The following DPP9 variants were observed in gnomAD, a reference collection of about 807,000 sequenced individuals.
The protein encoded by DPP9 is dipeptidyl peptidase IV-related protein-2.
Under a neutral mutation model 110.7 loss-of-function variants are expected in DPP9, and 50 were observed. The observed-to-expected ratio is 0.45, with a 90% CI of 0.36 to 0.57. The LOEUF is 0.57. DPP9 is among the 20% of genes least tolerant of loss of function. The probability of loss-of-function intolerance (pLI) is 0.00; values close to 1 mark genes in which losing one functional copy is unlikely to be tolerated. For missense variants in DPP9, 1,022 were observed against 1,217.9 expected (o/e 0.84, Z 2.39); for synonymous variants, 561 against 514.4 (o/e 1.09, Z -1.23).
rs753629385 is a variant in DPP9, at chr19:4,683,345, G to A, written c.2331+132C>T. ...GGCTGCTGCAGGGAGAAACAGCCAC[G>A]TGGCAAGGCCCCTGCCGAGGCGCCT... On this transcript the variant is annotated intron_variant, in intron 19 of 21. Transcript: ENST00000262960. The A allele has an allele frequency of 3.5e-5, 52 of 1,481,182 alleles. No individual in the cohort carries two copies. The African/African-American group carries it at 6.3e-4, about 18-fold the overall frequency. The allele number at this position is 1,481,182 out of a possible 1,614,324, so 91.8% of individuals were successfully genotyped here. A position where few individuals can be genotyped will look rare whatever the true frequency, so the allele number is the denominator to read the frequency against.
chr19:4,703,607 C>T lies in DPP9; in HGVS notation c.769+279G>A, dbSNP rs2092420169. On this transcript the variant is annotated intron_variant, in intron 7 of 21. Coordinates refer to ENST00000262960, the MANE Select transcript of DPP9 (RefSeq NM_139159.5). The stretch of plus-strand genomic sequence containing the variant: ...GCCGAGATCATACCACTGCAGTCCA[C>T]CTGGGCACTCCCGCCTGCGCTCCCG... Among the ~76,000 whole-genome samples, 3 of 151,684 alleles carry T rather than the reference C, an allele frequency of 2.0e-5. No homozygotes were observed. In the South Asian group the frequency reaches 6.2e-4, roughly 32 times the overall value.
chr19:4,694,836 C>G lies in DPP9; in HGVS notation c.1354-13G>C, dbSNP rs1351106701. The G allele has an allele frequency of 1.2e-6, 2 of 1,613,198 alleles. No individual in the cohort carries two copies. Among genetic ancestry groups the G allele is most frequent in the Non-Finnish European group, 1.7e-6 (2 of 1,179,612 alleles). On this transcript the variant is annotated splice_polypyrimidine_tract_variant and intron_variant, in intron 12 of 21. Coordinates refer to ENST00000262960, the MANE Select transcript of DPP9 (RefSeq NM_139159.5). The surrounding 1 kb of genome is among the most constrained non-coding windows in gnomAD (Gnocchi z 4.0). ...AGATGTCATGAACCTGTCCGGAAAGCAGATAGAAGATGCGTCAGAAGGTGT... is the reference window on the plus strand; with the variant it reads ...AGATGTCATGAACCTGTCCGGAAAGGAGATAGAAGATGCGTCAGAAGGTGT...
In DPP9 at chr19:4,676,130, G is replaced by T; in HGVS notation, c.*434C>A. The T allele has an allele frequency of 5.6e-6, 1 of 177,216 alleles. No individual in the cohort carries two copies. The allele number at this position is 177,216 out of a possible 1,614,324, so 11.0% of individuals were successfully genotyped here. A position where few individuals can be genotyped will look rare whatever the true frequency, so the allele number is the denominator to read the frequency against. The stretch of plus-strand genomic sequence containing the variant: ...CAAACAAAACACAAACATCAAGTTG[G>T]GGAGGCTGGCCGGGGGGGACAGGCA... On this transcript the variant is annotated 3_prime_UTR_variant, in exon 22 of 22. Coordinates refer to ENST00000262960, the MANE Select transcript of DPP9 (RefSeq NM_139159.5). The surrounding 1 kb of genome is among the most constrained non-coding windows in gnomAD (Gnocchi z 4.0).
rs1448624965 is a variant in DPP9 at position 4,685,731 on chromosome 19, G to A, written c.1926C>T (p.Phe642=). 1.2e-6 allele frequency: 2 copies of A among 1,613,508 alleles called. No homozygotes were observed. The highest frequency in any genetic ancestry group is 1.7e-5 in the Admixed American group (1 of 59,978). Residue 642 remains phenylalanine (F), a synonymous_variant, in exon 17 of 22, where the codon TTC becomes TTT. Transcript: ENST00000262960. This position sits in a 1 kb window ranked among gnomAD's most constrained non-coding sequence, Gnocchi z 5.8. ...PDYVPPEIFH[F]HTRSDVRLYG... is the part of the protein sequence containing the mutation. ...AGAGCCGCACATCCGAGCGCGTGTGGAAATGGAAGATCTCTGGAGGAACAT... is the reference window on the plus strand; with the variant it reads ...AGAGCCGCACATCCGAGCGCGTGTGAAAATGGAAGATCTCTGGAGGAACAT...
rs891746459 is a variant in DPP9 at position 4,718,966 on chromosome 19, C to T, written c.56+885G>A. On this transcript the variant is annotated intron_variant, in intron 3 of 21. Coordinates refer to ENST00000262960, the MANE Select transcript of DPP9 (RefSeq NM_139159.5). This position sits in a 1 kb window ranked among gnomAD's most constrained non-coding sequence, Gnocchi z 4.3. ...GAGACATGGAGTTTACTGACTGCCC[C>T]GGGGGGTGCGTGTCTAACCACATTC... Among the ~76,000 whole-genome samples the T allele has an allele frequency of 4.6e-5, 7 of 152,048 alleles. No homozygotes were observed. Among genetic ancestry groups the T allele is most frequent in the Admixed American group, 4.6e-4 (7 of 15,248 alleles).
intron 4 of DPP9, among the ~76,000 whole-genome samples, chr19:4,713,196 C>T (rs373010070): frequency 1.1e-4 from 17 of 152,356 alleles, no homozygotes; most frequent in South Asian, 4.1e-4. Flanking sequence ...TGGTGCCAAG[C>T]GGGAGAGACG....
At chr19:4,708,091 T>G (rs1429271331) in intron 4 of DPP9, among the ~76,000 whole-genome samples, 1 of 152,178 alleles carries the variant, frequency 6.6e-6, no homozygotes, top group Non-Finnish European at 1.5e-5. Context: ...AATCACAGAC[T>G]GCCCTGACCT....
intron 4 of DPP9, among the ~76,000 whole-genome samples, chr19:4,708,462 G>A (rs2092688882): frequency 6.6e-6 from 1 of 152,218 alleles, no homozygotes; most frequent in Admixed American, 6.5e-5. Context: ...CTTTTGGGGT[G>A]ACTGTAGCTG....
rs1019859869 is a variant in DPP9, at chr19:4,685,321, T to C, written c.2031+305A>G. The C allele has an allele frequency of 1.5e-5, 9 of 583,848 alleles. No individual in the cohort carries two copies. Among genetic ancestry groups the C allele is most frequent in the African/African-American group, 7.4e-5 (4 of 54,330 alleles). 36.2% of individuals were successfully genotyped at this position (583,848 alleles called of 1,614,324 possible). On this transcript the variant is annotated intron_variant, in intron 17 of 21. Transcript: ENST00000262960. This position sits in a 1 kb window ranked among gnomAD's most constrained non-coding sequence, Gnocchi z 5.8. Reference sequence around the variant, plus strand: ...CTCCAGGAATTGGGCCCAGGGCCCATGGCCACCTCCATACCAACCTGGAGA... The same window carrying C: ...CTCCAGGAATTGGGCCCAGGGCCCACGGCCACCTCCATACCAACCTGGAGA...
intron 16 of DPP9, chr19:4,688,405 G>A (rs140716583): frequency 1.7e-4 from 42 of 245,832 alleles, no homozygotes; most frequent in African/African-American, 9.1e-4. Flanking sequence ...CACTGTGCCC[G>A]CTGATGAAAA....
intron 15 of DPP9, 61 bp from the exon 16 acceptor site, chr19:4,688,953 C>G: frequency 1.4e-6 from 2 of 1,480,768 alleles, no homozygotes; most frequent in South Asian, 2.7e-5. Flanking sequence ...CCACTGGGTG[C>G]CGACCGCAGA....
chr19:4,689,458 A>AT lies in DPP9; in HGVS notation c.1749+111_1749+112insA. On this transcript the variant is annotated intron_variant, in intron 15 of 21. Transcript: ENST00000262960. The surrounding 1 kb of genome is among the most constrained non-coding windows in gnomAD (Gnocchi z 7.0). Reference sequence around the variant, plus strand: ...CTGCCTGCCCCAAGGCAGCTATGAGAATGCGAGACCATGAGAATGACCCTG... The same window carrying AT: ...CTGCCTGCCCCAAGGCAGCTATGAGATATGCGAGACCATGAGAATGACCCTG... 1 of 1,365,028 alleles carries AT rather than the reference A, an allele frequency of 7.3e-7. No homozygotes were observed. Among genetic ancestry groups the AT allele is most frequent in the South Asian group, 1.4e-5 (1 of 73,096 alleles). The allele number at this position is 1,365,028 out of a possible 1,614,324, so 84.6% of individuals were successfully genotyped here.
Position 4,687,567 on chromosome 19 carries a change from C to T in DPP9, c.1885+1190G>A, listed in dbSNP as rs1280144261. Among the ~76,000 whole-genome samples the T allele has an allele frequency of 6.6e-6, 1 of 152,316 alleles. No individual in the cohort carries two copies. Among genetic ancestry groups the T allele is most frequent in the African/African-American group, 2.4e-5 (1 of 41,586 alleles). On this transcript the variant is annotated intron_variant, in intron 16 of 21. Coordinates refer to ENST00000262960, the MANE Select transcript of DPP9 (RefSeq NM_139159.5). The surrounding 1 kb of genome is among the most constrained non-coding windows in gnomAD (Gnocchi z 4.7). ...TCCTGAGGCCCCCCTGTGACTGACC[C>T]TTTGCTCCTTTTCCTGATAAAGGCC...
intron 3 of DPP9, chr19:4,719,515 C>G (rs2145996190): frequency 2.8e-6 from 1 of 359,804 alleles, no homozygotes; most frequent in African/African-American, 2.0e-5. Flanking sequence ...CCCCAGCAAA[C>G]ACTTGGTGAC....
intron 8 of DPP9, among the ~76,000 whole-genome samples, 189 bp downstream of exon 8, chr19:4,702,414 G>A (rs889281009): frequency 3.3e-5 from 5 of 152,128 alleles, no homozygotes; most frequent in African/African-American, 9.7e-5. Context: ...GGGGTGTAAC[G>A]GGCTGAACTG....
In DPP9 at chr19:4,704,626, G is replaced by A. The variant is rs374875882; in HGVS notation, c.427-322C>T. Among the ~76,000 whole-genome samples, 4 of 152,166 alleles carry A rather than the reference G, an allele frequency of 2.6e-5. No individual in the cohort carries two copies. Among genetic ancestry groups the A allele is most frequent in the East Asian group, 1.9e-4 (1 of 5,190 alleles). On this transcript the variant is annotated intron_variant, in intron 5 of 21. Transcript: ENST00000262960. This position sits in a 1 kb window ranked among gnomAD's most constrained non-coding sequence, Gnocchi z 6.0. ...ATAGCAGATGGGGGCCCCTGGGAGG[G>A]GCTGTCCCTGCCCCACACCACCGGA...
At chr19:4,701,039 G>T (rs534303390) in intron 9 of DPP9, among the ~76,000 whole-genome samples, 1 of 152,210 alleles carries the variant, frequency 6.6e-6, no homozygotes, top group African/African-American at 2.4e-5. Flanking sequence ...GCAGGCACTC[G>T]CGGAGTATGG....
chr19:4,722,368 C>T (rs2093359995), intron 2 of DPP9, 131 bp downstream of exon 2: 1 of 599,406 alleles, frequency 1.7e-6, no homozygotes, highest in Non-Finnish European at 3.0e-6. Context: ...GCAGCCACTG[C>T]CCTGCGGAGG....
At position 4,723,802 on chromosome 19, in the gene DPP9, A is replaced by G. The variant is rs1472885649; in HGVS notation, c.-217T>C. 6.5e-6 allele frequency: 1 copy of G among 154,318 alleles called. No individual in the cohort carries two copies. Among genetic ancestry groups the G allele is most frequent in the Non-Finnish European group, 1.5e-5 (1 of 68,204 alleles). The allele number at this position is 154,318 out of a possible 1,614,324, so 9.6% of individuals were successfully genotyped here. A position where few individuals can be genotyped will look rare whatever the true frequency, so the allele number is the denominator to read the frequency against. On this transcript the variant is annotated 5_prime_UTR_variant, in exon 1 of 22. Transcript: ENST00000262960. ...GCGGGGGACGACAGCCGCGGCGGAC[A>G]CAGGGGACCCGCCGGCTCAGGCACC...
Sources: gnomAD v4.1 joint callset for allele counts (sites outside exome capture counted in the v4.1 genomes callset) on GRCh38, gnomAD v4.1.1 for gene constraint, Gnocchi (gnomAD v3.1) non-coding constraint, MANE v1.5 for transcripts, NCBI Gene and HGNC (gene_info 2026-07-23, HGNC 2026-07-21) for gene names.